CFAP44: variants seen among roughly 807,000 people sequenced by gnomAD.
CFAP44 encodes cilia- and flagella-associated protein 44.
CFAP44 carries 134 observed loss-of-function variants against 216.2 expected under a neutral mutation model. That is an observed-to-expected ratio of 0.62 (90% CI 0.54 to 0.72). The LOEUF (loss-of-function observed/expected upper bound fraction) is 0.72, where lower values mean the gene tolerates loss of function less well. Ranked by LOEUF, CFAP44 falls within the 30% of genes least tolerant of loss-of-function variation. The pLI, the probability that CFAP44 is intolerant of heterozygous loss-of-function variation, is 0.00. For synonymous variants in CFAP44, 700 were observed against 727.6 expected (o/e 0.96, Z 0.61); for missense variants, 2,035 against 2,182.1 (o/e 0.93, Z 1.34).
intron 28 of CFAP44, among the ~76,000 whole-genome samples, chr3:113,313,849 C>G (rs889532621): frequency 1.3e-5 from 2 of 152,168 alleles, no homozygotes; most frequent in African/African-American, 4.8e-5. Context: ...AATTAAACCT[C>G]TTTTTCTTCC....
rs1393474159 is a variant in CFAP44, at chr3:113,374,386, T to TATTTATTA, written c.2299-831_2299-830insTAATAAAT. ...TCTTTTATTTATTTATTTATTTATT[T>TATTTATTA]ATTTATTTATTTATTATTATACTTT... On this transcript the variant is annotated intron_variant, in intron 17 of 34. Transcript: ENST00000393845. 2.0e-5 allele frequency among the ~76,000 whole-genome samples: 3 copies of TATTTATTA among 150,624 alleles called. No individual in the cohort carries two copies. In the East Asian group the frequency reaches 6.0e-4, roughly 30 times the overall value.
chr3:113,345,752 A>G (rs1209289540), intron 22 of CFAP44, among the ~76,000 whole-genome samples: 1 of 152,138 alleles, frequency 6.6e-6, no homozygotes, highest in Non-Finnish European at 1.5e-5. Context: ...GTTCATAATT[A>G]TCACACACAC....
chr3:113,366,939 C>CA (rs1475098497), intron 18 of CFAP44, among the ~76,000 whole-genome samples: 1 of 152,244 alleles, frequency 6.6e-6, no homozygotes, highest in Non-Finnish European at 1.5e-5. Flanking sequence ...GTCCCACGCC[C>CA]ATGGAGCTTT....
chr3:113,420,992 G>C (rs1377213855), intron 4 of CFAP44, among the ~76,000 whole-genome samples: 1 of 151,966 alleles, frequency 6.6e-6, no homozygotes, highest in African/African-American at 2.4e-5. Context: ...ATTCAAAATA[G>C]AGTGGGACCT....
intron 22 of CFAP44, among the ~76,000 whole-genome samples, chr3:113,354,751 G>A (rs996241739): frequency 1.3e-5 from 2 of 152,066 alleles, no homozygotes; most frequent in African/African-American, 4.8e-5. Flanking sequence ...GCTCTATACG[G>A]CCCTGCCCAC....
intron 28 of CFAP44, among the ~76,000 whole-genome samples, chr3:113,318,328 T>C (rs368836016): frequency 6.6e-6 from 1 of 152,058 alleles, no homozygotes; most frequent in Admixed American, 6.6e-5. Context: ...TAGACTAAGA[T>C]GAGGAAAGAA....
At chr3:113,412,612 G>C (rs1036987722) in intron 6 of CFAP44, among the ~76,000 whole-genome samples, 3 of 152,050 alleles carry the variant, frequency 2.0e-5, no homozygotes, top group Non-Finnish European at 2.9e-5. Flanking sequence ...TTATGAGTCA[G>C]AACACACAGC....
At chr3:113,323,127 G>C (rs922030539) in intron 28 of CFAP44, among the ~76,000 whole-genome samples, 2 of 152,100 alleles carry the variant, frequency 1.3e-5, no homozygotes, top group Non-Finnish European at 1.5e-5. Context: ...GGGATTATGG[G>C]GACCAAAATT....
chr3:113,375,586 G>C (rs1933318457), intron 17 of CFAP44, among the ~76,000 whole-genome samples: 1 of 152,186 alleles, frequency 6.6e-6, no homozygotes, highest in African/African-American at 2.4e-5. Flanking sequence ...GATAATGGCT[G>C]AGAATTTTCT....
At chr3:113,429,757 T>C (rs1395578584) in intron 2 of CFAP44, among the ~76,000 whole-genome samples, 3 of 152,166 alleles carry the variant, frequency 2.0e-5, no homozygotes, top group African/African-American at 4.8e-5. Context: ...TCTTTTAGAT[T>C]ATTTACTCTT....
Position 113,394,838 on chromosome 3 carries a change from T to C in CFAP44, c.1890+912A>G, listed in dbSNP as rs145055714. Among the ~76,000 whole-genome samples, 160 of 152,338 alleles carry C rather than the reference T, an allele frequency of 1.1e-3. 2 individuals are homozygous for C. The highest frequency in any genetic ancestry group is 3.7e-3 in the African/African-American group (154 of 41,576). On this transcript the variant is annotated intron_variant, in intron 15 of 34. Coordinates refer to ENST00000393845, the MANE Select transcript of CFAP44 (RefSeq NM_001164496.2). The stretch of plus-strand genomic sequence containing the variant: ...CCCACAGGCTATGGGATGGACAAGC[T>C]TGGTCTACACCATTGATATTTTAGT...
chr3:113,352,224 C>T (rs372039244), intron 22 of CFAP44, among the ~76,000 whole-genome samples: 10 of 152,140 alleles, frequency 6.6e-5, no homozygotes, highest in Non-Finnish European at 1.0e-4. Context: ...GACCAATCAG[C>T]GCTCTGTAAA....
At chr3:113,425,162 C>T (rs534705484) in intron 4 of CFAP44, among the ~76,000 whole-genome samples, 81 of 152,194 alleles carry the variant, frequency 5.3e-4, no homozygotes, top group Admixed American at 7.8e-4. Flanking sequence ...TAAATCAGCA[C>T]GAATTAATTT....
rs1257486532 is a variant in CFAP44, at chr3:113,305,020, T to G, written c.4875+16A>C. ...TCTTCTCGGACAGGATGGAGCAGCC[T>G]CCCCAGACGCATCACCTGGTGGAGC... On this transcript the variant is annotated intron_variant, in intron 31 of 34. Transcript: ENST00000393845. 12 of 1,535,566 alleles carry G rather than the reference T, an allele frequency of 7.8e-6. No individual in the cohort carries two copies. The highest frequency in any genetic ancestry group is 8.7e-6 in the Non-Finnish European group (10 of 1,145,640).
At chr3:113,420,208 T>A in intron 4 of CFAP44, 29 bp from the exon 5 acceptor site, 2 of 1,593,224 alleles carry the variant, frequency 1.3e-6, no homozygotes, top group African/African-American at 1.3e-5. Flanking sequence ...GGAAAAGAAG[T>A]GAAAAACACT....
intron 15 of CFAP44, among the ~76,000 whole-genome samples, chr3:113,383,669 C>T (rs1933571784): frequency 1.3e-5 from 2 of 152,086 alleles, no homozygotes; most frequent in African/African-American, 4.8e-5. Flanking sequence ...CGTGAAAGAA[C>T]TACTTGGAGA....
chr3:113,315,057 TTAAA>T (rs1950074234), intron 28 of CFAP44, among the ~76,000 whole-genome samples: 1 of 151,700 alleles, frequency 6.6e-6, no homozygotes, highest in Non-Finnish European at 1.5e-5. Context: ...AAAATAAAAA[TTAAA>T]TAACAGACAA....
intron 15 of CFAP44, among the ~76,000 whole-genome samples, chr3:113,388,383 T>G (rs1392496350): frequency 6.6e-6 from 1 of 151,860 alleles, no homozygotes; most frequent in African/African-American, 2.4e-5. Flanking sequence ...GTAACTTCAA[T>G]GAAAAAAACA....
intron 24 of CFAP44, among the ~76,000 whole-genome samples, chr3:113,340,930 C>T (rs1302594227): frequency 6.6e-6 from 1 of 152,176 alleles, no homozygotes. Context: ...GATGGTTTTT[C>T]CCTGGAGTTG....
Sources: gnomAD v4.1 joint callset for allele counts (sites outside exome capture counted in the v4.1 genomes callset) on GRCh38, gnomAD v4.1.1 for gene constraint, MANE v1.5 for transcripts, NCBI Gene and HGNC (gene_info 2026-07-23, HGNC 2026-07-21) for gene names.